CCDC85A: variants seen among roughly 807,000 people sequenced by gnomAD.
The protein encoded by CCDC85A is coiled-coil domain containing 85A.
Under a neutral mutation model 50.2 loss-of-function variants are expected in CCDC85A, and 38 were observed. The observed-to-expected ratio is 0.76, with a 90% CI of 0.58 to 0.99. CCDC85A has a LOEUF of 0.99. CCDC85A is among the 50% of genes least tolerant of loss of function. The pLI, the probability that CCDC85A is intolerant of heterozygous loss-of-function variation, is 0.00. For synonymous variants in CCDC85A, 366 were observed against 301.4 expected (o/e 1.21, Z -2.22); for missense variants, 820 against 742.0 (o/e 1.11, Z -1.22).
chr2:56,245,119 G>A (rs1669443782), intron 2 of CCDC85A, among the ~76,000 whole-genome samples: 1 of 152,198 alleles, frequency 6.6e-6, no homozygotes, highest in African/African-American at 2.4e-5. Context: ...CTGGCTGTGA[G>A]CCCAGCACAG....
intron 3 of CCDC85A, among the ~76,000 whole-genome samples, chr2:56,355,141 G>A (rs1675157672): frequency 6.6e-6 from 1 of 152,140 alleles, no homozygotes; most frequent in South Asian, 2.1e-4. Flanking sequence ...GCCAGAGTCT[G>A]GCCATTCCCC....
intron 3 of CCDC85A, among the ~76,000 whole-genome samples, chr2:56,354,889 A>C (rs1480773444): frequency 6.6e-6 from 1 of 152,232 alleles, no homozygotes; most frequent in East Asian, 1.9e-4. Context: ...TTTGAAAAAC[A>C]GCCCAGCCAC....
At chr2:56,326,315 T>G (rs1392432354) in intron 2 of CCDC85A, among the ~76,000 whole-genome samples, 1 of 152,156 alleles carries the variant, frequency 6.6e-6, no homozygotes, top group Non-Finnish European at 1.5e-5. Flanking sequence ...ATGTAAAAAA[T>G]GCATGTGCTT....
At position 56,279,367 on chromosome 2, in the gene CCDC85A, A is replaced by G. The variant is rs190178654; in HGVS notation, c.1241-63512A>G. Among the ~76,000 whole-genome samples, 21 of 152,298 alleles carry G rather than the reference A, an allele frequency of 1.4e-4. No homozygotes were observed. The East Asian group carries it at 3.7e-3, about 27-fold the overall frequency. On this transcript the variant is annotated intron_variant, in intron 2 of 5. Coordinates refer to ENST00000407595, the MANE Select transcript of CCDC85A (RefSeq NM_001080433.2). ...CAACCACCACACAATTTTAAAACAT[A>G]TTCATAACCCCCCAAAGAACCTCCA...
chr2:56,244,404 A>G (rs1669409737), intron 2 of CCDC85A, among the ~76,000 whole-genome samples: 1 of 151,998 alleles, frequency 6.6e-6, no homozygotes, highest in African/African-American at 2.4e-5. Context: ...TTAAGGTACA[A>G]GTGCCTTTCA....
intron 2 of CCDC85A, among the ~76,000 whole-genome samples, chr2:56,239,728 G>A (rs1456373566): frequency 1.3e-5 from 2 of 152,102 alleles, no homozygotes; most frequent in Non-Finnish European, 2.9e-5. Flanking sequence ...GTTTGAAAAA[G>A]GCATGTTCTG....
At chr2:56,241,908 G>T (rs1175233582) in intron 2 of CCDC85A, among the ~76,000 whole-genome samples, 4 of 152,120 alleles carry the variant, frequency 2.6e-5, no homozygotes, top group African/African-American at 7.2e-5. Context: ...CCTCCAAATT[G>T]TTCTTCATAG....
At chr2:56,356,937 G>A (rs1303928612) in intron 3 of CCDC85A, among the ~76,000 whole-genome samples, 2 of 151,778 alleles carry the variant, frequency 1.3e-5, no homozygotes, top group Non-Finnish European at 2.9e-5. Context: ...AAGTAGGCCA[G>A]GCGTGGTGGT....
chr2:56,254,350 T>C (rs1423449612), intron 2 of CCDC85A, among the ~76,000 whole-genome samples: 1 of 152,180 alleles, frequency 6.6e-6, no homozygotes, highest in Non-Finnish European at 1.5e-5. Context: ...GTGGTGGTGG[T>C]AGCAGTGGTA....
At position 56,273,865 on chromosome 2, in the gene CCDC85A, G is replaced by A. The variant is rs1370863557; in HGVS notation, c.1241-69014G>A. On this transcript the variant is annotated intron_variant, in intron 2 of 5. Transcript: ENST00000407595. Reference sequence around the variant, plus strand: ...TGTTTGTTCATTATGAAGAAAAATCGTTTGTTAGGCATAAGGCATATCTGA... The same window carrying A: ...TGTTTGTTCATTATGAAGAAAAATCATTTGTTAGGCATAAGGCATATCTGA... Among the ~76,000 whole-genome samples the A allele has an allele frequency of 3.3e-5, 5 of 152,114 alleles. No homozygotes were observed. The South Asian group carries it at 6.2e-4, about 19-fold the overall frequency.
At chr2:56,373,900 C>A (rs1676204460) in intron 4 of CCDC85A, among the ~76,000 whole-genome samples, 1 of 152,112 alleles carries the variant, frequency 6.6e-6, no homozygotes, top group Non-Finnish European at 1.5e-5. Flanking sequence ...ATTTTGGAAC[C>A]ATTTGATTCC....
At chr2:56,278,940 T>C (rs1671082741) in intron 2 of CCDC85A, among the ~76,000 whole-genome samples, 1 of 152,166 alleles carries the variant, frequency 6.6e-6, no homozygotes, top group Admixed American at 6.5e-5. Context: ...GTGTTAGGGA[T>C]CAACAGGAGG....
chr2:56,273,118 A>G (rs1008005849), intron 2 of CCDC85A, among the ~76,000 whole-genome samples: 1 of 152,168 alleles, frequency 6.6e-6, no homozygotes. Flanking sequence ...AAAAAAATTC[A>G]AAGGAAAGTT....
intron 3 of CCDC85A, among the ~76,000 whole-genome samples, chr2:56,360,566 A>G (rs1675473134): frequency 6.6e-6 from 1 of 152,220 alleles, no homozygotes; most frequent in African/African-American, 2.4e-5. Flanking sequence ...TGCCTTTCCT[A>G]AAGCTTTAGT....
At chr2:56,299,910 C>G (rs1209241115) in intron 2 of CCDC85A, among the ~76,000 whole-genome samples, 1 of 151,982 alleles carries the variant, frequency 6.6e-6, no homozygotes, top group Non-Finnish European at 1.5e-5. Flanking sequence ...CCAAGTAAAA[C>G]TATAAGAAGT....
intron 2 of CCDC85A, among the ~76,000 whole-genome samples, chr2:56,300,502 C>G (rs1357557269): frequency 6.6e-6 from 1 of 152,094 alleles, no homozygotes; most frequent in Admixed American, 6.6e-5. Flanking sequence ...GATGCTGAAC[C>G]TGGTCTGTGT....
At chr2:56,249,367 C>G (rs985351623) in intron 2 of CCDC85A, among the ~76,000 whole-genome samples, 1 of 152,230 alleles carries the variant, frequency 6.6e-6, no homozygotes, top group Non-Finnish European at 1.5e-5. Flanking sequence ...ACTTATTGGC[C>G]ATGCCCAGTG....
At chr2:56,282,064 C>T (rs931457666) in intron 2 of CCDC85A, among the ~76,000 whole-genome samples, 3 of 151,906 alleles carry the variant, frequency 2.0e-5, no homozygotes, top group African/African-American at 7.3e-5. Context: ...TAGATTTCAT[C>T]TTTAGGTCTG....
upstream of CCDC85A, chr2:56,183,975 C>T (rs1179498146): frequency 4.1e-6 from 4 of 985,654 alleles, no homozygotes; most frequent in Non-Finnish European, 4.8e-6. Context: ...CCAGCCGGTC[C>T]CCCACCCTCC....
Sources: allele counts gnomAD v4.1 joint callset (sites outside exome capture counted in the v4.1 genomes callset), GRCh38; gene constraint gnomAD v4.1.1; transcripts MANE v1.5; gene names NCBI Gene and HGNC (gene_info 2026-07-23, HGNC 2026-07-21).